The following AFF3 variants were observed in gnomAD, a reference collection of about 807,000 sequenced individuals.
The protein encoded by AFF3 is AF4/FMR2 family member 3.
In AFF3, 32 loss-of-function variants were observed where a neutral mutation model predicts 129.7. The observed-to-expected ratio is 0.25, with a 90% CI of 0.19 to 0.33. The LOEUF is 0.33. Ranked by LOEUF, AFF3 falls within the 10% of genes least tolerant of loss-of-function variation. The pLI is 1.00. For synonymous variants in AFF3, 644 were observed against 635.4 expected, an observed-to-expected ratio of 1.01 and a Z score of -0.20; for missense variants, 1,373 against 1,592.0, an observed-to-expected ratio of 0.86 and a Z score of 2.34.
rs149254719 is a variant in AFF3 at position 100,122,825 on chromosome 2, G to A, written c.-145+6399C>T. On this transcript the variant is annotated intron_variant, in intron 2 of 24. Transcript: ENST00000672756. ...GGCAATGAGAGACTCTGAGAATACC[G>A]GCAACAAAGAAAACTATTTAACTTC... Among the ~76,000 whole-genome samples the A allele has an allele frequency of 5.3e-3, 811 of 152,162 alleles. 12 individuals carry two copies. Among genetic ancestry groups the A allele is most frequent in the African/African-American group, 0.019 (769 of 41,506 alleles).
intron 13 of AFF3, among the ~76,000 whole-genome samples, chr2:99,632,103 C>T (rs948585349): frequency 2.7e-5 from 4 of 149,516 alleles, no homozygotes; most frequent in East Asian, 2.0e-4. Context: ...GCAGCCTCCA[C>T]CTCCCGGGTT....
intron 4 of AFF3, among the ~76,000 whole-genome samples, chr2:100,054,025 T>G (rs1448838061): frequency 6.6e-6 from 1 of 152,178 alleles, no homozygotes; most frequent in Non-Finnish European, 1.5e-5. Flanking sequence ...TTCTGAGGAA[T>G]GACTTCTTCC....
intron 7 of AFF3, among the ~76,000 whole-genome samples, chr2:99,871,867 A>C (rs563357069): frequency 1.3e-5 from 2 of 152,222 alleles, no homozygotes; most frequent in South Asian, 2.1e-4. Flanking sequence ...TCTATGTAAC[A>C]AATTTGTACA....
intron 7 of AFF3, among the ~76,000 whole-genome samples, chr2:99,993,577 C>T (rs966106303): frequency 6.6e-6 from 1 of 151,110 alleles, no homozygotes; most frequent in Non-Finnish European, 1.5e-5. Flanking sequence ...AAATAATATA[C>T]AAAAACGAGA....
intron 13 of AFF3, among the ~76,000 whole-genome samples, chr2:99,645,560 C>T (rs994405580): frequency 6.6e-6 from 1 of 152,070 alleles, no homozygotes. Flanking sequence ...GGGCGGGAGG[C>T]GCAAGTGAGT....
chr2:99,978,322 A>G (rs1328035378), intron 7 of AFF3, among the ~76,000 whole-genome samples: 1 of 152,078 alleles, frequency 6.6e-6, no homozygotes, highest in African/African-American at 2.4e-5. Context: ...AGATACCAAA[A>G]GATGCTAATA....
intron 7 of AFF3, among the ~76,000 whole-genome samples, chr2:99,843,348 C>A (rs1020489567): frequency 1.3e-5 from 2 of 152,210 alleles, no homozygotes; most frequent in Non-Finnish European, 2.9e-5. Flanking sequence ...TGCTCCCAAT[C>A]CCCAAGCTAG....
intron 22 of AFF3, 124 bp downstream of exon 22, chr2:99,558,751 T>C (rs1054794793): frequency 2.4e-6 from 2 of 827,616 alleles, no homozygotes; most frequent in Non-Finnish European, 1.9e-6. Context: ...TAAATGGGGT[T>C]ACCTTGGGGA....
chr2:99,938,525 A>G (rs1384405769), intron 7 of AFF3, among the ~76,000 whole-genome samples: 2 of 152,214 alleles, frequency 1.3e-5, no homozygotes, highest in African/African-American at 2.4e-5. Flanking sequence ...TTTGGTAAAT[A>G]CTAGTCTAGT....
At chr2:100,137,588 G>A (rs957793199) in intron 1 of AFF3, among the ~76,000 whole-genome samples, 3 of 152,058 alleles carry the variant, frequency 2.0e-5, no homozygotes, top group Admixed American at 6.5e-5. Context: ...GGAGGAAAGG[G>A]ATTTTATTCA....
At chr2:99,884,379 C>A (rs2106034806) in intron 7 of AFF3, among the ~76,000 whole-genome samples, 1 of 152,148 alleles carries the variant, frequency 6.6e-6, no homozygotes, top group South Asian at 2.1e-4. Context: ...ACTATAGTTA[C>A]CACGCTTATT....
At chr2:100,013,963 G>A (rs909441307) in intron 4 of AFF3, among the ~76,000 whole-genome samples, 12 of 152,056 alleles carry the variant, frequency 7.9e-5, no homozygotes, top group Admixed American at 7.2e-4. Context: ...TCTCTCCCTA[G>A]GCTGCCCTAC....
chr2:99,879,286 T>G (rs932186818), intron 7 of AFF3, among the ~76,000 whole-genome samples: 1 of 152,206 alleles, frequency 6.6e-6, no homozygotes, highest in Non-Finnish European at 1.5e-5. Context: ...TCCCTGAACT[T>G]CTATGTTTAT....
At chr2:99,625,619 G>T (rs1184578089) in intron 13 of AFF3, among the ~76,000 whole-genome samples, 1 of 152,098 alleles carries the variant, frequency 6.6e-6, no homozygotes, top group African/African-American at 2.4e-5. Context: ...GATACTAGAC[G>T]AAATGACAAG....
At chr2:99,944,314 T>A (rs777522449) in intron 7 of AFF3, among the ~76,000 whole-genome samples, 1 of 152,246 alleles carries the variant, frequency 6.6e-6, no homozygotes, top group Non-Finnish European at 1.5e-5. Context: ...ATGTATTGAC[T>A]TTTTGTTCTA....
chr2:100,080,191 G>C (rs1393733335), intron 4 of AFF3, among the ~76,000 whole-genome samples: 2 of 152,166 alleles, frequency 1.3e-5, no homozygotes, highest in African/African-American at 2.4e-5. Flanking sequence ...TCAAATTCAG[G>C]CTGAAACCTA....
chr2:99,981,719 A>G (rs1040325848), intron 7 of AFF3, among the ~76,000 whole-genome samples: 3 of 152,322 alleles, frequency 2.0e-5, no homozygotes, highest in African/African-American at 4.8e-5. Context: ...TAATTGATAT[A>G]TAAGAGTACT....
intron 8 of AFF3, among the ~76,000 whole-genome samples, chr2:99,816,160 T>C (rs1687215724): frequency 6.6e-6 from 1 of 152,166 alleles, no homozygotes; most frequent in African/African-American, 2.4e-5. Flanking sequence ...AAATGCATTC[T>C]TTATCTCTGT....
At chr2:99,560,119 G>A (rs931728756) in intron 21 of AFF3, among the ~76,000 whole-genome samples, 2 of 152,316 alleles carry the variant, frequency 1.3e-5, no homozygotes, top group African/African-American at 2.4e-5. Context: ...AAATTAGGCC[G>A]GGCACAGTGG....
Sources: gnomAD v4.1 joint callset for allele counts (sites outside exome capture counted in the v4.1 genomes callset) on GRCh38, gnomAD v4.1.1 for gene constraint, MANE v1.5 for transcripts, NCBI Gene and HGNC (gene_info 2026-07-23, HGNC 2026-07-21) for gene names.